Variants in ANKK1 observed in about 807,000 individuals in gnomAD.
ANKK1 encodes ankyrin repeat and kinase domain containing 1.
Under a neutral mutation model 37.6 loss-of-function variants are expected in ANKK1, and 37 were observed. The ratio of observed to expected loss-of-function variants is 0.98; its 90% confidence interval spans 0.76 to 1.29. The LOEUF (loss-of-function observed/expected upper bound fraction) is 1.29. Among genes scored for constraint, ANKK1 ranks in the 50% most tolerant of loss-of-function variants. The probability of loss-of-function intolerance (pLI) is 0.00; values close to 1 mark genes in which losing one functional copy is unlikely to be tolerated. For missense variants in ANKK1, 1,019 were observed against 990.6 expected, an observed-to-expected ratio of 1.03 and a Z score of -0.39; for synonymous variants, 415 against 418.7, an observed-to-expected ratio of 0.99 and a Z score of 0.11.
intron 2 of ANKK1, 139 bp from the exon 3 acceptor site, chr11:113,394,790 G>A: frequency 8.6e-7 from 1 of 1,167,756 alleles, no homozygotes; most frequent in Non-Finnish European, 1.2e-6. Flanking sequence ...ATAGTAAGTG[G>A]TAGTGCTAGG....
In ANKK1 at chr11:113,398,071, T is replaced by C. The variant is rs1264911486; in HGVS notation, c.994+55T>C. 1.9e-6 allele frequency: 3 copies of C among 1,545,464 alleles called. No homozygotes were observed. In the East Asian group the frequency reaches 7.3e-5, roughly 37 times the overall value. ...AGAACTCACAGCAGAGAAAATGGAG[T>C]CAAACCACACCCTTTCCCCATCCCC... On this transcript the variant is annotated intron_variant, in intron 7 of 7. Coordinates refer to ENST00000303941, the MANE Select transcript of ANKK1 (RefSeq NM_178510.2).
At position 113,397,887 on chromosome 11, in the gene ANKK1, C is replaced by A. The variant is rs536353851; in HGVS notation, c.958-93C>A. On this transcript the variant is annotated intron_variant, in intron 6 of 7. Coordinates refer to ENST00000303941, the MANE Select transcript of ANKK1 (RefSeq NM_178510.2). ...GTGGGATGTGAGTCCTGACAGTGAC[C>A]GGGAAGGTTGGAGAGAGGGAAGGAG... 2.9e-5 allele frequency: 41 copies of A among 1,392,886 alleles called. No individual in the cohort carries two copies. In the African/African-American group the frequency reaches 5.6e-4, roughly 19 times the overall value. The allele number at this position is 1,392,886 out of a possible 1,614,324, so 86.3% of individuals were successfully genotyped here.
chr11:113,396,082 T>C lies in ANKK1; in HGVS notation c.698T>C (p.Met233Thr), dbSNP rs1950635634. ...KKPYSGFNMMMIIIRVAAGMR... is the reference protein window; with the variant it reads ...KKPYSGFNMMTIIIRVAAGMR... ...CCCTTTGCAGGGTTCAACATGATGATGATTATTATCCGAGTGGCGGCAGGC... is the reference window on the plus strand; with the variant it reads ...CCCTTTGCAGGGTTCAACATGATGACGATTATTATCCGAGTGGCGGCAGGC... The change falls in exon 5 of 8, where the codon ATG becomes ACG. Residue 233 changes from methionine (M) to threonine (T), a missense_variant. Transcript: ENST00000303941. 2 of 1,613,924 alleles carry C rather than the reference T, an allele frequency of 1.2e-6. No homozygotes were observed. The highest frequency in any genetic ancestry group is 8.5e-7 in the Non-Finnish European group (1 of 1,179,912).
chr11:113,400,163 G>A lies in ANKK1; in HGVS notation c.2194G>A (p.Ala732Thr), dbSNP rs1209999137. The A allele has an allele frequency of 1.3e-6, 2 of 1,588,708 alleles. No individual in the cohort carries two copies. Among genetic ancestry groups the A allele is most frequent in the South Asian group, 2.3e-5 (2 of 87,966 alleles). ...AGTGAGCTGCACACCCCTGCAACTG[G>A]CCCTCCGCAGCCGAAAGCAGGGCAT... The part of the protein sequence containing the change: ...DGVSCTPLQL[A>T]LRSRKQGIMS... The change falls in exon 8 of 8, where the codon GCC becomes ACC. Residue 732 changes from alanine (A) to threonine (T), a missense_variant. Transcript: ENST00000303941.
At chr11:113,388,116 C>T in intron 1 of ANKK1, 47 bp downstream of exon 1, 1 of 1,437,364 alleles carries the variant, frequency 7.0e-7, no homozygotes, top group South Asian at 1.4e-5. Flanking sequence ...AAACTGAGGC[C>T]CGGCAAGCTT....
chr11:113,394,276 C>CT (rs1372298491), intron 2 of ANKK1, among the ~76,000 whole-genome samples: 1 of 152,200 alleles, frequency 6.6e-6, no homozygotes, highest in Admixed American at 6.5e-5. Context: ...TATGCCTTCA[C>CT]TGTACCTCTG....
At chr11:113,389,343 G>C (rs540407783) in intron 1 of ANKK1, among the ~76,000 whole-genome samples, 1 of 152,132 alleles carries the variant, frequency 6.6e-6, no homozygotes, top group African/African-American at 2.4e-5. Context: ...ACTATACTAG[G>C]AGCTTTACGT....
Position 113,398,022 on chromosome 11 carries a change from T to C in ANKK1, c.994+6T>C. 6.4e-7 allele frequency: 1 copy of C among 1,565,302 alleles called. No individual in the cohort carries two copies. Among genetic ancestry groups the C allele is most frequent in the Non-Finnish European group, 8.7e-7 (1 of 1,154,606 alleles). On this transcript the variant is annotated splice_donor_region_variant and intron_variant, in intron 7 of 7. Coordinates refer to ENST00000303941, the MANE Select transcript of ANKK1 (RefSeq NM_178510.2). ...CCAGGAACTGATGGACAGTGGTGAG[T>C]CTGGGTGCCACGGGCGGGACCAGAG... is the stretch of plus-strand genomic sequence containing the variant.
chr11:113,393,584 G>T lies in ANKK1; in HGVS notation c.289G>T (p.Val97Leu). The stretch of plus-strand genomic sequence containing the variant: ...GGTGTGCAAGCAGCCCCTGGGTATT[G>T]TGATGGAGTTTATGGCCAACGGCTC... ...YGVCKQPLGIVMEFMANGSLE... is the reference protein window; with the variant it reads ...YGVCKQPLGILMEFMANGSLE... The change falls in exon 2 of 8, where the codon GTG becomes TTG. Residue 97 changes from valine to leucine, a missense_variant. Val to Leu is a conservative substitution (Grantham distance 32, BLOSUM62 1). Transcript: ENST00000303941. The T allele has an allele frequency of 1.2e-6, 2 of 1,614,036 alleles. No individual in the cohort carries two copies. The highest frequency in any genetic ancestry group is 8.5e-7 in the Non-Finnish European group (1 of 1,179,908).
At chr11:113,395,278 C>T (rs569839585) in intron 3 of ANKK1, 81 bp from the exon 4 acceptor site, 10 of 1,563,712 alleles carry the variant, frequency 6.4e-6, no homozygotes, top group African/African-American at 1.4e-5. Flanking sequence ...TGAACTGTAG[C>T]CCCCCGACCC....
rs1180587308 is a variant in ANKK1, at chr11:113,396,102, G to A, written c.718G>A (p.Ala240Thr). 1 of 1,613,982 alleles carries A rather than the reference G, an allele frequency of 6.2e-7. No homozygotes were observed. The highest frequency in any genetic ancestry group is 8.5e-7 in the Non-Finnish European group (1 of 1,179,896). Reference protein sequence around the residue: ...NMMMIIIRVAAGMRPSLQPVS... With the variant: ...NMMMIIIRVATGMRPSLQPVS... ...GATGATGATTATTATCCGAGTGGCGGCAGGCATGCGGCCCTCCCTACAGCC... is the reference window on the plus strand; with the variant it reads ...GATGATGATTATTATCCGAGTGGCGACAGGCATGCGGCCCTCCCTACAGCC... The change falls in exon 5 of 8, where the codon GCA (alanine) becomes ACA (threonine). Residue 240 changes from alanine to threonine, a missense_variant. Transcript: ENST00000303941.
Position 113,399,671 on chromosome 11 carries a change from G to T in ANKK1, c.1702G>T (p.Ala568Ser). Residue 568 changes from alanine to serine, a missense_variant, in exon 8 of 8, where the codon GCT (alanine) becomes TCT (serine). Coordinates refer to ENST00000303941, the MANE Select transcript of ANKK1 (RefSeq NM_178510.2). ...QSGYGPLHTA[A>S]ARGKYLICKM... Reference sequence around the variant, plus strand: ...CGGCTACGGCCCACTGCACACTGCAGCTGCCAGGGGCAAATACCTGATCTG... The same window carrying T: ...CGGCTACGGCCCACTGCACACTGCATCTGCCAGGGGCAAATACCTGATCTG... The T allele has an allele frequency of 6.3e-7, 1 of 1,599,020 alleles. No homozygotes were observed. Among genetic ancestry groups the T allele is most frequent in the East Asian group, 2.3e-5 (1 of 43,988 alleles).
chr11:113,396,441 G>T (rs559931943), intron 5 of ANKK1, among the ~76,000 whole-genome samples: 1 of 151,120 alleles, frequency 6.6e-6, no homozygotes, highest in South Asian at 2.1e-4. Flanking sequence ...CTGGGCTCAA[G>T]ATATCCTCCC....
chr11:113,394,695 G>A lies in ANKK1; in HGVS notation c.481-234G>A, dbSNP rs751021149. ...CATTTAGTGCTCACAATAGCACTGT[G>A]AGTTAAATGGTCATATTACTTCTAC... On this transcript the variant is annotated intron_variant, in intron 2 of 7. Coordinates refer to ENST00000303941, the MANE Select transcript of ANKK1 (RefSeq NM_178510.2). 7.5e-6 allele frequency: 5 copies of A among 667,812 alleles called. No individual in the cohort carries two copies. In the South Asian group the frequency reaches 7.5e-5, roughly 10 times the overall value. 41.4% of individuals were successfully genotyped at this position (667,812 alleles called of 1,614,324 possible). A position where few individuals can be genotyped will look rare whatever the true frequency, so the allele number is the denominator to read the frequency against.
chr11:113,394,666 A>C (rs1334122434), intron 2 of ANKK1: 1 of 609,872 alleles, frequency 1.6e-6, no homozygotes, highest in South Asian at 1.5e-5. Flanking sequence ...TTTGCATGGC[A>C]CCTCATTTAG....
rs1430412858 is a variant in ANKK1 at position 113,387,972 on chromosome 11, A to C, written c.88A>C (p.Ser30Arg). The C allele has an allele frequency of 6.4e-7, 1 of 1,572,348 alleles. No individual in the cohort carries two copies. Among genetic ancestry groups the C allele is most frequent in the Non-Finnish European group, 8.6e-7 (1 of 1,165,238 alleles). Residue 30 changes from serine to arginine, a missense_variant, in exon 1 of 8, where the codon AGC (serine) becomes CGC (arginine). By Grantham distance (110) the Ser-to-Arg change is moderately radical. Coordinates refer to ENST00000303941, the MANE Select transcript of ANKK1 (RefSeq NM_178510.2). ...CGAGGGCGACTGGCGCCTAGTGGCC[A>C]GCGGCGGCTTCAGCCAGGTGTTCCA... ...DFEGDWRLVASGGFSQVFQAR... is the reference protein window; with the variant it reads ...DFEGDWRLVARGGFSQVFQAR...
chr11:113,399,211 T>A lies in ANKK1; in HGVS notation c.1242T>A (p.Leu414=). 1 of 1,604,870 alleles carries A rather than the reference T, an allele frequency of 6.2e-7. No homozygotes were observed. The highest frequency in any genetic ancestry group is 8.5e-7 in the Non-Finnish European group (1 of 1,176,018). Residue 414 remains leucine (L), a synonymous_variant, in exon 8 of 8, where the codon CTT becomes CTA. Transcript: ENST00000303941. ...QDQQPDLCAL[L]LAHGADANRV... ...AGCAACCCGACCTCTGTGCCCTGCT[T>A]TTGGCACATGGTGCTGATGCCAACC...
chr11:113,393,450 C>T (rs756305840), intron 1 of ANKK1, 31 bp from the exon 2 acceptor site: 2 of 1,587,874 alleles, frequency 1.3e-6, no homozygotes, highest in Non-Finnish European at 1.7e-6. Context: ...ATGGGTCACC[C>T]CCTTCCATAT....
chr11:113,389,290 G>A (rs888701855), intron 1 of ANKK1, among the ~76,000 whole-genome samples: 2 of 152,056 alleles, frequency 1.3e-5, no homozygotes, highest in South Asian at 2.1e-4. Context: ...GGGTGGAGGG[G>A]GTAAGATAAT....
Sources: allele counts gnomAD v4.1 joint callset (sites outside exome capture counted in the v4.1 genomes callset), GRCh38; gene constraint gnomAD v4.1.1; transcripts MANE v1.5; gene names NCBI Gene and HGNC (gene_info 2026-07-23, HGNC 2026-07-21).